MRTFA: variants seen among roughly 807,000 people sequenced by gnomAD.
MRTFA encodes myocardin-related transcription factor A.
A neutral mutation model predicts 83.5 loss-of-function variants in MRTFA; 20 were observed. The observed-to-expected ratio is 0.24, with a 90% CI of 0.17 to 0.35. The LOEUF is 0.35. Among genes scored for constraint, MRTFA ranks in the 10% least tolerant of loss-of-function variants. The pLI is 1.00. For missense variants in MRTFA, 1,200 were observed against 1,224.7 expected (o/e 0.98, Z 0.30); for synonymous variants, 659 against 541.2 (o/e 1.22, Z -3.02).
intron 3 of MRTFA, among the ~76,000 whole-genome samples, chr22:40,477,784 G>A (rs1044599649): frequency 2.0e-5 from 3 of 151,280 alleles, no homozygotes; most frequent in Non-Finnish European, 4.4e-5. Context: ...GGGATGCGGA[G>A]AGATGAAAGG....
At chr22:40,611,597 A>G (rs181111317) in intron 1 of MRTFA, among the ~76,000 whole-genome samples, 8 of 152,194 alleles carry the variant, frequency 5.3e-5, no homozygotes, top group African/African-American at 1.7e-4. Context: ...TTTAACAATG[A>G]GCAAGGAGTT....
intron 2 of MRTFA, among the ~76,000 whole-genome samples, chr22:40,580,117 TTTTTAGG>T (rs2055925109): frequency 6.6e-6 from 1 of 152,302 alleles, no homozygotes; most frequent in Non-Finnish European, 1.5e-5. Context: ...GGATGAATCA[TTTTTAGG>T]ACAGCAAATA....
At chr22:40,540,677 GGCT>G (rs2055273308) in intron 3 of MRTFA, among the ~76,000 whole-genome samples, 1 of 151,634 alleles carries the variant, frequency 6.6e-6, no homozygotes, top group Non-Finnish European at 1.5e-5. Context: ...CTACTTGGGA[GGCT>G]GAGGCAGAAT....
At chr22:40,449,615 G>C (rs1236382121) in intron 4 of MRTFA, among the ~76,000 whole-genome samples, 2 of 152,206 alleles carry the variant, frequency 1.3e-5, no homozygotes, top group African/African-American at 4.8e-5. Flanking sequence ...CAAAGGCAAA[G>C]AAGAGGTGAG....
At chr22:40,635,695 C>T (rs925243443) in intron 1 of MRTFA, among the ~76,000 whole-genome samples, 1 of 152,322 alleles carries the variant, frequency 6.6e-6, no homozygotes, top group African/African-American at 2.4e-5. Context: ...GCAAACATTT[C>T]TTGGGCCCTT....
intron 1 of MRTFA, among the ~76,000 whole-genome samples, chr22:40,603,969 C>G (rs2056289328): frequency 6.6e-6 from 1 of 151,696 alleles, no homozygotes; most frequent in Admixed American, 6.6e-5. Flanking sequence ...TTGCATTATT[C>G]TCCTTGTTTT....
At chr22:40,464,161 T>G (rs2147155197) in intron 3 of MRTFA, among the ~76,000 whole-genome samples, 1 of 149,732 alleles carries the variant, frequency 6.7e-6, no homozygotes, top group South Asian at 2.1e-4. Flanking sequence ...ATTAGTCGGG[T>G]GTGGTGGTGC....
chr22:40,425,452 G>C (rs2052933993), intron 7 of MRTFA, among the ~76,000 whole-genome samples: 1 of 152,238 alleles, frequency 6.6e-6, no homozygotes, highest in African/African-American at 2.4e-5. Flanking sequence ...AAGCGCAACA[G>C]CTCAGGCTGG....
chr22:40,514,910 CTT>C (rs1338372081), intron 3 of MRTFA, among the ~76,000 whole-genome samples: 28 of 130,762 alleles, frequency 2.1e-4, no homozygotes, highest in East Asian at 9.2e-4. Flanking sequence ...ATATTTCTTC[CTT>C]TTTTTTTTTT....
chr22:40,487,050 G>A (rs1457206242), intron 3 of MRTFA, among the ~76,000 whole-genome samples: 1 of 152,166 alleles, frequency 6.6e-6, no homozygotes, highest in Non-Finnish European at 1.5e-5. Flanking sequence ...ACAAAAGAGT[G>A]TAAACTTCAT....
intron 3 of MRTFA, among the ~76,000 whole-genome samples, chr22:40,480,360 T>G (rs2054068125): frequency 6.6e-6 from 1 of 151,990 alleles, no homozygotes; most frequent in African/African-American, 2.4e-5. Flanking sequence ...GTTATCCTCC[T>G]ACCTTGGCCT....
At chr22:40,469,720 A>T (rs1602294946) in intron 3 of MRTFA, among the ~76,000 whole-genome samples, 1 of 152,290 alleles carries the variant, frequency 6.6e-6, no homozygotes, top group Non-Finnish European at 1.5e-5. Context: ...CCAAGCAATA[A>T]AACAAATTTC....
intron 3 of MRTFA, among the ~76,000 whole-genome samples, chr22:40,547,866 A>AG (rs1015732733): frequency 5.3e-5 from 8 of 151,610 alleles, no homozygotes; most frequent in South Asian, 2.1e-4. Context: ...AAAAAAAAAA[A>AG]AAAAAGAAAA....
chr22:40,531,473 T>G (rs1335758023), intron 3 of MRTFA, among the ~76,000 whole-genome samples: 2 of 152,042 alleles, frequency 1.3e-5, no homozygotes, highest in South Asian at 4.1e-4. Flanking sequence ...TTCATAAATA[T>G]AAAACATACC....
intron 4 of MRTFA, among the ~76,000 whole-genome samples, chr22:40,447,554 A>G (rs1389458071): frequency 6.6e-6 from 1 of 152,162 alleles, no homozygotes; most frequent in Admixed American, 6.5e-5. Flanking sequence ...AGGGAGACAA[A>G]GCCACACAGG....
intron 3 of MRTFA, among the ~76,000 whole-genome samples, chr22:40,544,206 A>G (rs1352742090): frequency 6.6e-6 from 1 of 152,230 alleles, no homozygotes; most frequent in Non-Finnish European, 1.5e-5. Flanking sequence ...ACTCATATAA[A>G]TTACATTAAA....
Position 40,440,151 on chromosome 22 carries a change from C to CAAAAA in MRTFA, c.308-4602_308-4598dup, listed in dbSNP as rs376161982. The stretch of plus-strand genomic sequence containing the variant: ...TGGGTGACAGAGTGAGACTCCGTCT[C>CAAAAA]AAAAAAAAAAAAAAAAAAAAGAATT... On this transcript the variant is annotated intron_variant, in intron 4 of 14. Transcript: ENST00000355630. 3.7e-3 allele frequency among the ~76,000 whole-genome samples: 260 copies of CAAAAA among 70,742 alleles called. 3 individuals are homozygous for CAAAAA. The highest frequency in any genetic ancestry group is 0.013 in the African/African-American group (250 of 18,728). The allele number at this position is 70,742 out of a possible 152,430, so 46.4% of individuals were successfully genotyped here.
chr22:40,617,033 G>A (rs904912815), intron 1 of MRTFA, among the ~76,000 whole-genome samples: 9 of 151,426 alleles, frequency 5.9e-5, no homozygotes, highest in African/African-American at 1.9e-4. Flanking sequence ...AGCTCCAGGG[G>A]CATAGGTTGC....
intron 1 of MRTFA, 75 bp downstream of exon 1, chr22:40,636,403 G>A (rs1009282765): frequency 9.2e-5 from 14 of 152,208 alleles, no homozygotes; most frequent in Non-Finnish European, 2.1e-4. Context: ...CAGCAGGGTC[G>A]GGGGGGAAAA....
Sources: allele counts gnomAD v4.1 joint callset (sites outside exome capture counted in the v4.1 genomes callset), GRCh38; gene constraint gnomAD v4.1.1; transcripts MANE v1.5; gene names NCBI Gene and HGNC (gene_info 2026-07-23, HGNC 2026-07-21).